Variants in RYR3 observed in about 807,000 individuals in gnomAD.
RYR3 encodes ryanodine receptor 3, also known as brain ryanodine receptor-calcium release channel.
A neutral mutation model predicts 584.3 loss-of-function variants in RYR3; 207 were observed. The observed-to-expected ratio is 0.35, with a 90% confidence interval of 0.32 to 0.40. The LOEUF is 0.40. Ranked by LOEUF, RYR3 falls within the 10% of genes least tolerant of loss-of-function variation. The pLI is 1.00. For synonymous variants in RYR3, 2,416 were observed against 2,248.5 expected (o/e 1.07, Z -2.11); for missense variants, 5,616 against 6,089.2 (o/e 0.92, Z 2.59).
At chr15:33,476,320 T>C (rs1168796881) in intron 2 of RYR3, among the ~76,000 whole-genome samples, 3 of 152,204 alleles carry the variant, frequency 2.0e-5, no homozygotes, top group African/African-American at 7.2e-5. Context: ...GATGAGGAAA[T>C]GTCTTTCCTA....
chr15:33,669,880 G>GT (rs1555401735), intron 37 of RYR3, among the ~76,000 whole-genome samples: 1 of 103,448 alleles, frequency 9.7e-6, no homozygotes, highest in Non-Finnish European at 1.9e-5. Flanking sequence ...GGGTGTGTGT[G>GT]GTGTGTGTGT....
intron 87 of RYR3, among the ~76,000 whole-genome samples, chr15:33,836,207 G>C (rs571316535): frequency 6.7e-6 from 1 of 149,698 alleles, no homozygotes; most frequent in African/African-American, 2.5e-5. Flanking sequence ...TGTGAGGGGG[G>C]GGTCTGTAAA....
rs571075524 is a variant in RYR3, at chr15:33,657,618, C to T, written c.4309-2102C>T. Among the ~76,000 whole-genome samples the T allele has an allele frequency of 3.9e-4, 59 of 152,308 alleles. 2 individuals carry two copies. In the South Asian group the frequency reaches 0.012, roughly 31 times the overall value. On this transcript the variant is annotated intron_variant, in intron 32 of 103. Transcript: ENST00000634891. Reference sequence around the variant, plus strand: ...TCATCACCATGAACTCAGGGTCTGGCACAAAGCAAGTATATAATAGGTACT... The same window carrying T: ...TCATCACCATGAACTCAGGGTCTGGTACAAAGCAAGTATATAATAGGTACT...
chr15:33,592,540 C>T (rs12594426), intron 16 of RYR3, among the ~76,000 whole-genome samples: 24,581 of 152,200 alleles, frequency 0.16, 2,800 homozygotes, highest in East Asian at 0.64. Context: ...GGGCCACCCA[C>T]TTCCGATTGG....
At chr15:33,613,929 A>C (rs1382917674) in intron 19 of RYR3, among the ~76,000 whole-genome samples, 5 of 152,152 alleles carry the variant, frequency 3.3e-5, no homozygotes, top group South Asian at 4.1e-4. Context: ...TGGCTGTTTC[A>C]TGATACAGCC....
Position 33,311,235 on chromosome 15 carries a change from G to A in RYR3, c.51+139G>A. 1 of 565,400 alleles carries A rather than the reference G, an allele frequency of 1.8e-6. No individual in the cohort carries two copies. The highest frequency in any genetic ancestry group is 2.8e-6 in the Non-Finnish European group (1 of 361,196). The allele number at this position is 565,400 out of a possible 1,614,324, so 35.0% of individuals were successfully genotyped here. ...TTCTCCGCACCCGCGGGCTGCAGAGGCGGACCGGCCACCTACCCGCGGGGC... is the reference window on the plus strand; with the variant it reads ...TTCTCCGCACCCGCGGGCTGCAGAGACGGACCGGCCACCTACCCGCGGGGC... On this transcript the variant is annotated intron_variant, in intron 1 of 103. Coordinates refer to ENST00000634891, the MANE Select transcript of RYR3 (RefSeq NM_001036.6). The surrounding 1 kb of genome is among the most constrained non-coding windows in gnomAD (Gnocchi z 4.4).
intron 1 of RYR3, among the ~76,000 whole-genome samples, chr15:33,436,009 T>G (rs137891883): frequency 7.1e-6 from 1 of 140,860 alleles, no homozygotes; most frequent in East Asian, 1.9e-4. Context: ...TTTACAGAGT[T>G]CTGATTGGTC....
At chr15:33,715,031 A>C (rs1044435269) in intron 43 of RYR3, among the ~76,000 whole-genome samples, 4 of 152,256 alleles carry the variant, frequency 2.6e-5, no homozygotes, top group African/African-American at 9.6e-5. Context: ...ATGAGGAAGA[A>C]GGCAAGTGTT....
intron 2 of RYR3, 91 bp from the exon 3 acceptor site, chr15:33,503,540 A>G (rs2052193021): frequency 1.3e-6 from 1 of 744,402 alleles, no homozygotes; most frequent in African/African-American, 1.8e-5. Context: ...TGTCATTTTG[A>G]TTCATAGGCT....
Position 33,593,597 on chromosome 15 carries a change from C to T in RYR3, c.1788+7481C>T, listed in dbSNP as rs1279165244. On this transcript the variant is annotated intron_variant, in intron 16 of 103. Transcript: ENST00000634891. The stretch of plus-strand genomic sequence containing the variant: ...TCTGAAGTTTATTTAAGTTGTCTGG[C>T]TTCGGTACACAGGGTTTTAAGAAAG... Among the ~76,000 whole-genome samples the T allele has an allele frequency of 2.0e-5, 3 of 152,244 alleles. No homozygotes were observed. The East Asian group carries it at 5.8e-4, about 29-fold the overall frequency.
intron 43 of RYR3, among the ~76,000 whole-genome samples, chr15:33,708,309 T>TGATCA (rs1402721988): frequency 6.6e-6 from 1 of 152,210 alleles, no homozygotes; most frequent in Non-Finnish European, 1.5e-5. Flanking sequence ...CAGACAAATC[T>TGATCA]GATCAAGGCA....
At chr15:33,482,573 C>A (rs1471632153) in intron 2 of RYR3, among the ~76,000 whole-genome samples, 1 of 152,130 alleles carries the variant, frequency 6.6e-6, no homozygotes, top group Non-Finnish European at 1.5e-5. Flanking sequence ...GCGCAAGCCA[C>A]CATGCCTGGC....
At chr15:33,568,399 A>T (rs544164921) in intron 12 of RYR3, among the ~76,000 whole-genome samples, 1 of 152,302 alleles carries the variant, frequency 6.6e-6, no homozygotes, top group Non-Finnish European at 1.5e-5. Context: ...ATTTTTAAAC[A>T]TCTTTATTGA....
At chr15:33,442,564 T>C (rs1362478283) in intron 1 of RYR3, among the ~76,000 whole-genome samples, 1 of 152,204 alleles carries the variant, frequency 6.6e-6, no homozygotes, top group Non-Finnish European at 1.5e-5. Context: ...TATCATGTAA[T>C]AATGGTGATG....
chr15:33,664,589 G>GTGTGTATATATATATATA (rs577496539), intron 36 of RYR3, among the ~76,000 whole-genome samples: 23 of 91,374 alleles, frequency 2.5e-4, no homozygotes, highest in African/African-American at 6.2e-4. Flanking sequence ...GTGTGTGTGT[G>GTGTGTATATATATATATA]TATATATATA....
At chr15:33,506,539 A>G (rs193030685) in intron 3 of RYR3, among the ~76,000 whole-genome samples, 8 of 152,308 alleles carry the variant, frequency 5.3e-5, no homozygotes, top group African/African-American at 1.2e-4. Context: ...TGACACATTT[A>G]TCACTATTAT....
chr15:33,340,760 T>C (rs1392093924), intron 1 of RYR3, among the ~76,000 whole-genome samples: 1 of 152,198 alleles, frequency 6.6e-6, no homozygotes, highest in African/African-American at 2.4e-5. Flanking sequence ...TATCTCCAAA[T>C]AGAGTCACAT....
chr15:33,540,257 T>C (rs2055705799), intron 6 of RYR3, among the ~76,000 whole-genome samples: 1 of 151,998 alleles, frequency 6.6e-6, no homozygotes, highest in African/African-American at 2.4e-5. Flanking sequence ...AGAAAGAAAA[T>C]GTACAATGTT....
At chr15:33,628,857 C>A (rs770291084) in intron 21 of RYR3, among the ~76,000 whole-genome samples, 5 of 152,196 alleles carry the variant, frequency 3.3e-5, no homozygotes, top group Non-Finnish European at 7.3e-5. Context: ...TGAAAAGTGG[C>A]TGATTCATTG....
Sources: allele counts gnomAD v4.1 joint callset (sites outside exome capture counted in the v4.1 genomes callset), GRCh38; gene constraint gnomAD v4.1.1; non-coding constraint Gnocchi (gnomAD v3.1); transcripts MANE v1.5; gene names NCBI Gene and HGNC (gene_info 2026-07-23, HGNC 2026-07-21).